Variants in DGKB observed in about 807,000 individuals in gnomAD.
DGKB encodes the protein 90 kDa diacylglycerol kinase.
DGKB carries 67 observed loss-of-function variants against 114.3 expected under a neutral mutation model. That is an observed-to-expected ratio of 0.59 (90% CI 0.48 to 0.72). The LOEUF (loss-of-function observed/expected upper bound fraction) is 0.72. Ranked by LOEUF, DGKB falls within the 30% of genes least tolerant of loss-of-function variation. The probability of loss-of-function intolerance (pLI) is 0.00; values close to 1 mark genes in which losing one functional copy is unlikely to be tolerated. For synonymous variants in DGKB, 398 were observed against 323.1 expected (o/e 1.23, Z -2.49); for missense variants, 907 against 975.2 (o/e 0.93, Z 0.93).
intron 23 of DGKB, among the ~76,000 whole-genome samples, chr7:14,311,074 G>C (rs1440856823): frequency 6.6e-6 from 1 of 152,070 alleles, no homozygotes; most frequent in African/African-American, 2.4e-5. Flanking sequence ...GCTACAATGA[G>C]CCAAGGTCAC....
At chr7:14,514,980 G>C (rs1354037347) in intron 20 of DGKB, among the ~76,000 whole-genome samples, 1 of 152,090 alleles carries the variant, frequency 6.6e-6, no homozygotes, top group Non-Finnish European at 1.5e-5. Context: ...GGAGGTCAAG[G>C]CTATAGTGAG....
At chr7:14,358,881 T>G (rs146961459) in intron 21 of DGKB, among the ~76,000 whole-genome samples, 4,044 of 152,134 alleles carry the variant, frequency 0.027, 81 homozygotes, top group South Asian at 0.1. Context: ...CCAAGGTAAT[T>G]TATAGATTCA....
intron 2 of DGKB, among the ~76,000 whole-genome samples, chr7:14,776,183 T>G (rs1453634162): frequency 6.6e-6 from 1 of 152,132 alleles, no homozygotes; most frequent in Non-Finnish European, 1.5e-5. Flanking sequence ...TTAATGTATC[T>G]GATGGAAAAA....
chr7:14,523,344 A>C (rs1412484499), intron 20 of DGKB, among the ~76,000 whole-genome samples: 1 of 152,218 alleles, frequency 6.6e-6, no homozygotes, highest in Non-Finnish European at 1.5e-5. Flanking sequence ...CTGTTTCAAA[A>C]TGAAATGACT....
At position 14,796,511 on chromosome 7, in the gene DGKB, A is replaced by G. The variant is rs144678534; in HGVS notation, c.71-38780T>C. 2.0e-5 allele frequency among the ~76,000 whole-genome samples: 3 copies of G among 152,266 alleles called. No individual in the cohort carries two copies. In the East Asian group the frequency reaches 5.8e-4, roughly 29 times the overall value. On this transcript the variant is annotated intron_variant, in intron 2 of 25. Coordinates refer to ENST00000402815, the MANE Select transcript of DGKB (RefSeq NM_001350709.2). ...AGCATCTCTTTGAAAAATTGTAATC[A>G]GAGATGAAACATGGCTTTACCCGCA...
chr7:14,696,512 A>T (rs1563939187), intron 8 of DGKB, among the ~76,000 whole-genome samples: 1 of 129,222 alleles, frequency 7.7e-6, no homozygotes, highest in Non-Finnish European at 1.5e-5. Context: ...AAAAAAAAAA[A>T]AAAAAAAAAA....
chr7:14,738,734 T>C (rs1278917414), intron 4 of DGKB, among the ~76,000 whole-genome samples: 1 of 152,210 alleles, frequency 6.6e-6, no homozygotes, highest in Non-Finnish European at 1.5e-5. Flanking sequence ...GCATGGTTCA[T>C]TGTTGTCCTT....
At chr7:14,635,618 T>C (rs1810599042) in intron 13 of DGKB, among the ~76,000 whole-genome samples, 1 of 151,654 alleles carries the variant, frequency 6.6e-6, no homozygotes, top group Non-Finnish European at 1.5e-5. Flanking sequence ...TTGACTATTT[T>C]TTCAGATTAT....
At chr7:14,943,546 G>C (rs971890023) in intron 1 of DGKB, among the ~76,000 whole-genome samples, 1 of 151,482 alleles carries the variant, frequency 6.6e-6, no homozygotes, top group Non-Finnish European at 1.5e-5. Flanking sequence ...CCTAAACTTG[G>C]GTTTTTAGAT....
At chr7:14,555,177 T>C (rs1457438678) in intron 20 of DGKB, among the ~76,000 whole-genome samples, 1 of 152,230 alleles carries the variant, frequency 6.6e-6, no homozygotes, top group Non-Finnish European at 1.5e-5. Context: ...GAATAACCAA[T>C]TCTGTCACTT....
At chr7:14,841,002 T>C (rs1260523913) in intron 2 of DGKB, among the ~76,000 whole-genome samples, 192 bp downstream of exon 2, 1 of 152,174 alleles carries the variant, frequency 6.6e-6, no homozygotes, top group East Asian at 1.9e-4. Context: ...GATGTAATAC[T>C]TGATTTAATT....
chr7:14,186,864 G>C (rs1323115514), intron 23 of DGKB, among the ~76,000 whole-genome samples: 1 of 151,778 alleles, frequency 6.6e-6, no homozygotes, highest in Non-Finnish European at 1.5e-5. Context: ...TTGGGGACTT[G>C]GGGGGAAGAG....
At chr7:14,773,152 T>C (rs1379607368) in intron 2 of DGKB, among the ~76,000 whole-genome samples, 1 of 152,190 alleles carries the variant, frequency 6.6e-6, no homozygotes, top group Non-Finnish European at 1.5e-5. Flanking sequence ...AATGGATATG[T>C]ACTAATAAGC....
chr7:14,486,921 C>T (rs574086208), intron 20 of DGKB, among the ~76,000 whole-genome samples: 1 of 152,128 alleles, frequency 6.6e-6, no homozygotes, highest in South Asian at 2.1e-4. Context: ...TAAACTTCAA[C>T]AATTTAGATT....
At chr7:14,451,779 T>C (rs534714012) in intron 21 of DGKB, among the ~76,000 whole-genome samples, 1 of 152,246 alleles carries the variant, frequency 6.6e-6, no homozygotes, top group East Asian at 1.9e-4. Flanking sequence ...AAGACTGAAC[T>C]GCTTTTAATG....
At position 14,630,904 on chromosome 7, in the gene DGKB, CT is replaced by C. The variant is rs796436361; in HGVS notation, c.1135-637del. Among the ~76,000 whole-genome samples, 1,361 of 143,820 alleles carry C rather than the reference CT, an allele frequency of 9.5e-3. 15 individuals carry two copies. Among genetic ancestry groups the C allele is most frequent in the African/African-American group, 0.028 (1,122 of 39,568 alleles). The allele number at this position is 143,820 out of a possible 152,430, so 94.4% of individuals were successfully genotyped here. A position where few individuals can be genotyped will look rare whatever the true frequency, so the allele number is the denominator to read the frequency against. ...CACTTTGTAGTTCATATTGGAAAGC[CT>C]TTTTTTTTTTGACAAGAAATGATAA... On this transcript the variant is annotated intron_variant, in intron 13 of 25. Coordinates refer to ENST00000402815, the MANE Select transcript of DGKB (RefSeq NM_001350709.2).
At chr7:14,626,386 CT>C (rs1808593723) in intron 14 of DGKB, among the ~76,000 whole-genome samples, 2 of 152,226 alleles carry the variant, frequency 1.3e-5, no homozygotes, top group African/African-American at 4.8e-5. Context: ...GTAGAACTTA[CT>C]TTCCCTGCTA....
chr7:14,966,718 G>A (rs1787171015), intron 1 of DGKB, among the ~76,000 whole-genome samples: 1 of 152,050 alleles, frequency 6.6e-6, no homozygotes, highest in East Asian at 1.9e-4. Context: ...CCCATTCCAT[G>A]GAATAACCTC....
At chr7:14,415,325 T>C (rs1825535992) in intron 21 of DGKB, among the ~76,000 whole-genome samples, 1 of 152,062 alleles carries the variant, frequency 6.6e-6, no homozygotes, top group African/African-American at 2.4e-5. Flanking sequence ...AACGTGCAGG[T>C]TTGTTACATA....
Sources: allele counts gnomAD v4.1 joint callset (sites outside exome capture counted in the v4.1 genomes callset), GRCh38; gene constraint gnomAD v4.1.1; transcripts MANE v1.5; gene names NCBI Gene and HGNC (gene_info 2026-07-23, HGNC 2026-07-21).